THSD4: variants seen among roughly 807,000 people sequenced by gnomAD.
The protein encoded by THSD4 is thrombospondin type-1 domain-containing protein 4.
In THSD4, 69 loss-of-function variants were observed where a neutral mutation model predicts 119.0. The observed-to-expected ratio is 0.58, with a 90% CI of 0.48 to 0.71. The LOEUF (loss-of-function observed/expected upper bound fraction) is 0.71, where lower values mean the gene tolerates loss of function less well. Among genes scored for constraint, THSD4 ranks in the 30% least tolerant of loss-of-function variants. The pLI is 0.00. For missense variants in THSD4, 1,393 were observed against 1,391.1 expected, an observed-to-expected ratio of 1.00 and a Z score of -0.02; for synonymous variants, 524 against 540.4, an observed-to-expected ratio of 0.97 and a Z score of 0.42.
intron 6 of THSD4, among the ~76,000 whole-genome samples, chr15:71,257,761 A>G (rs757731702): frequency 6.6e-6 from 1 of 152,156 alleles, no homozygotes; most frequent in Non-Finnish European, 1.5e-5. Flanking sequence ...TTATCTGTGC[A>G]GTGTTCTCAG....
chr15:71,475,235 T>C (rs2047640165), intron 7 of THSD4, among the ~76,000 whole-genome samples: 1 of 152,238 alleles, frequency 6.6e-6, no homozygotes, highest in Non-Finnish European at 1.5e-5. Flanking sequence ...TGAACCTTTG[T>C]TTATAGATCT....
intron 7 of THSD4, among the ~76,000 whole-genome samples, chr15:71,477,635 C>G (rs1373695440): frequency 6.6e-6 from 1 of 152,188 alleles, no homozygotes; most frequent in Non-Finnish European, 1.5e-5. Flanking sequence ...CTCCTGTTCT[C>G]ACCTCCTTAG....
chr15:71,573,692 CCATT>C (rs1301642645), intron 7 of THSD4, among the ~76,000 whole-genome samples: 1 of 152,144 alleles, frequency 6.6e-6, no homozygotes, highest in Non-Finnish European at 1.5e-5. Context: ...ACAATGTGCT[CCATT>C]CATATGCTCT....
At chr15:71,718,038 A>C (rs193046211) in intron 8 of THSD4, among the ~76,000 whole-genome samples, 1 of 152,046 alleles carries the variant, frequency 6.6e-6, no homozygotes, top group East Asian at 1.9e-4. Context: ...AGTCTCAGCT[A>C]CTCGGGAGGC....
intron 8 of THSD4, among the ~76,000 whole-genome samples, chr15:71,704,751 T>C (rs1254343375): frequency 6.6e-6 from 1 of 152,246 alleles, no homozygotes; most frequent in Non-Finnish European, 1.5e-5. Context: ...AACCCCTAGC[T>C]ACAATGATTT....
rs2053382388 is a variant in THSD4, at chr15:71,748,477, C to T, written c.2298C>T (p.Asn766=). Residue 766 remains asparagine (N), a synonymous_variant, in exon 14 of 18, where the codon AAC becomes AAT. Coordinates refer to ENST00000261862, the MANE Select transcript of THSD4 (RefSeq NM_024817.3). Reference sequence around the variant, plus strand: ...CCCGTGATGTGAAGTGTGTGAGCAACATTGGGGATGTGGTTGACGATGAGG... The same window carrying T: ...CCCGTGATGTGAAGTGTGTGAGCAATATTGGGGATGTGGTTGACGATGAGG... The part of the protein sequence containing the change: ...QRTRDVKCVS[N]IGDVVDDEEC... The T allele has an allele frequency of 3.7e-6, 6 of 1,614,086 alleles. No individual in the cohort carries two copies. Among genetic ancestry groups the T allele is most frequent in the Admixed American group, 1.7e-5 (1 of 60,008 alleles).
At chr15:71,263,558 G>C (rs2044428569) in intron 6 of THSD4, among the ~76,000 whole-genome samples, 2 of 152,118 alleles carry the variant, frequency 1.3e-5, no homozygotes, top group African/African-American at 4.8e-5. Context: ...AAGTCTTTGA[G>C]GAATTGCCAC....
chr15:71,682,901 TTTCTTTC>T (rs1416521771), intron 8 of THSD4, among the ~76,000 whole-genome samples: 2 of 53,082 alleles, frequency 3.8e-5, no homozygotes, highest in African/African-American at 1.8e-4. Context: ...TCTTTCTTTC[TTTCTTTC>T]TTCTTCTTCT....
At chr15:71,383,511 C>CAGTG (rs1296199429) in intron 6 of THSD4, among the ~76,000 whole-genome samples, 6 of 152,158 alleles carry the variant, frequency 3.9e-5, no homozygotes, top group African/African-American at 1.4e-4. Context: ...AAATTTAAAC[C>CAGTG]AGTGTCTTTT....
At chr15:71,187,479 G>T in intron 3 of THSD4, 1 of 152,774 alleles carries the variant, frequency 6.5e-6, no homozygotes. Flanking sequence ...GCTGCTTGAT[G>T]AGGATGAAGA....
rs1487455972 is a variant in THSD4, at chr15:71,777,160, C to T, written c.2915-72C>T. ...CAGGAGTTAAAGCCACAGCCACTGC[C>T]CTTTCTCTTCCCACTGGTCCAGGCT... On this transcript the variant is annotated intron_variant, in intron 17 of 17. Transcript: ENST00000261862. The T allele has an allele frequency of 9.5e-6, 15 of 1,585,792 alleles. No individual in the cohort carries two copies. In the East Asian group the frequency reaches 3.1e-4, roughly 33 times the overall value.
At chr15:71,281,971 G>T (rs1448549054) in intron 6 of THSD4, among the ~76,000 whole-genome samples, 1 of 152,166 alleles carries the variant, frequency 6.6e-6, no homozygotes, top group East Asian at 1.9e-4. Context: ...CGGGACTAAA[G>T]GCCTCAGATT....
At chr15:71,727,568 A>C in intron 8 of THSD4, among the ~76,000 whole-genome samples, 1 of 19,096 alleles carries the variant, frequency 5.2e-5, no homozygotes, top group Non-Finnish European at 1.2e-4. Flanking sequence ...ATATATATAT[A>C]TATATATATA....
At chr15:71,308,263 G>A (rs750449638) in intron 6 of THSD4, among the ~76,000 whole-genome samples, 5 of 152,308 alleles carry the variant, frequency 3.3e-5, no homozygotes, top group Admixed American at 2.0e-4. Flanking sequence ...TTTGAGCATC[G>A]CAGGCCTGCT....
chr15:71,721,706 T>G (rs1433778488), intron 8 of THSD4, among the ~76,000 whole-genome samples: 2 of 148,784 alleles, frequency 1.3e-5, no homozygotes, highest in African/African-American at 5.0e-5. Context: ...ATTATGGGAT[T>G]AAAGTATATG....
At chr15:71,133,064 G>A (rs752140902) in intron 1 of THSD4, among the ~76,000 whole-genome samples, 6 of 152,232 alleles carry the variant, frequency 3.9e-5, no homozygotes, top group Non-Finnish European at 5.9e-5. Flanking sequence ...GAGCTCAGCC[G>A]TGGTAGTCTG....
chr15:71,154,518 AC>A (rs1295294411), intron 2 of THSD4, among the ~76,000 whole-genome samples: 2 of 152,068 alleles, frequency 1.3e-5, no homozygotes, highest in African/African-American at 4.8e-5. Flanking sequence ...GCATCCTCTT[AC>A]TCAGTTCTCC....
chr15:71,341,090 G>T (rs1405498063), intron 6 of THSD4: 40 of 1,111,378 alleles, frequency 3.6e-5, no homozygotes, highest in Non-Finnish European at 4.5e-5. Context: ...CTTTTCTATT[G>T]TCTCTTCTGT....
Position 71,497,613 on chromosome 15 carries a change from A to C in THSD4, c.1152+85790A>C, listed in dbSNP as rs543208582. The stretch of plus-strand genomic sequence containing the variant: ...AAAATAAATTTATTTTGTAGTGCCT[A>C]CTTCTTTGTTCAAGGAGTCCTGTCT... On this transcript the variant is annotated intron_variant, in intron 7 of 17. Transcript: ENST00000261862. 2.6e-5 allele frequency among the ~76,000 whole-genome samples: 4 copies of C among 152,154 alleles called. No homozygotes were observed. The East Asian group carries it at 7.7e-4, about 29-fold the overall frequency.
Sources: allele counts gnomAD v4.1 joint callset (sites outside exome capture counted in the v4.1 genomes callset), GRCh38; gene constraint gnomAD v4.1.1; transcripts MANE v1.5; gene names NCBI Gene and HGNC (gene_info 2026-07-23, HGNC 2026-07-21).